The following RNGTT variants were observed in gnomAD, a reference collection of about 807,000 sequenced individuals.
The protein encoded by RNGTT is mRNA-capping enzyme.
In RNGTT, 33 loss-of-function variants were observed where a neutral mutation model predicts 79.3. The ratio of observed to expected loss-of-function variants is 0.42; its 90% CI spans 0.32 to 0.56. The LOEUF (loss-of-function observed/expected upper bound fraction) is 0.56, where lower values mean the gene tolerates loss of function less well. Among genes scored for constraint, RNGTT ranks in the 20% least tolerant of loss-of-function variants. The pLI is 0.17. For synonymous variants in RNGTT, 222 were observed against 235.9 expected (o/e 0.94, Z 0.54); for missense variants, 497 against 739.1 (o/e 0.67, Z 3.80).
chr6:88,792,563 T>C (rs1471369630), intron 12 of RNGTT, among the ~76,000 whole-genome samples: 1 of 152,248 alleles, frequency 6.6e-6, no homozygotes, highest in African/African-American at 2.4e-5. Context: ...ATATAGTGTC[T>C]GATAATGTCA....
intron 14 of RNGTT, among the ~76,000 whole-genome samples, chr6:88,623,962 GA>G (rs1319264302): frequency 6.6e-6 from 1 of 151,842 alleles, no homozygotes; most frequent in African/African-American, 2.4e-5. Flanking sequence ...TGAACAGTTG[GA>G]AATTTAAAAT....
chr6:88,725,248 G>A (rs1393146657), intron 13 of RNGTT, among the ~76,000 whole-genome samples: 2 of 152,170 alleles, frequency 1.3e-5, no homozygotes, highest in African/African-American at 4.8e-5. Flanking sequence ...CCCAGTGTGA[G>A]GAATAACCCA....
intron 14 of RNGTT, among the ~76,000 whole-genome samples, chr6:88,629,596 G>C (rs1486785880): frequency 6.6e-6 from 1 of 151,884 alleles, no homozygotes; most frequent in African/African-American, 2.4e-5. Context: ...GTTCTAGTGG[G>C]AATAAAGAAA....
rs1784839180 is a variant in RNGTT at position 88,941,293 on chromosome 6, A to G, written c.65-113T>C. 7.3e-6 allele frequency: 5 copies of G among 681,316 alleles called. No homozygotes were observed. The South Asian group carries it at 9.4e-5, about 13-fold the overall frequency. The allele number at this position is 681,316 out of a possible 1,614,324, so 42.2% of individuals were successfully genotyped here. A position where few individuals can be genotyped will look rare whatever the true frequency, so the allele number is the denominator to read the frequency against. The stretch of plus-strand genomic sequence containing the variant: ...CTTAAAACCTTTTTTTTTGAGACCA[A>G]GTGTCGCTCTGTCCCCCAGGATAGA... On this transcript the variant is annotated intron_variant, in intron 1 of 15. Transcript: ENST00000369485.
chr6:88,919,707 C>CT (rs5878082), intron 4 of RNGTT, among the ~76,000 whole-genome samples: 7,017 of 58,468 alleles, frequency 0.12, 1,296 homozygotes, highest in African/African-American at 0.18. Context: ...GTCAGTAGTT[C>CT]TTTTTTTTTT....
At chr6:88,903,981 G>A (rs549406614) in intron 6 of RNGTT, among the ~76,000 whole-genome samples, 6 of 152,164 alleles carry the variant, frequency 3.9e-5, no homozygotes, top group Non-Finnish European at 1.5e-5. Flanking sequence ...AGAGAAGTGA[G>A]AGTCTTCTTG....
chr6:88,961,573 A>G (rs1419027042), intron 1 of RNGTT, among the ~76,000 whole-genome samples: 8 of 152,078 alleles, frequency 5.3e-5, no homozygotes, highest in African/African-American at 1.9e-4. Flanking sequence ...AGTAGCTGGG[A>G]TTACAGGCAC....
At chr6:88,784,120 G>A (rs1449213365) in intron 12 of RNGTT, among the ~76,000 whole-genome samples, 1 of 152,130 alleles carries the variant, frequency 6.6e-6, no homozygotes, top group Non-Finnish European at 1.5e-5. Context: ...TTTCCCAGGG[G>A]AAGTAAAATT....
At chr6:88,959,863 C>T (rs1785559027) in intron 1 of RNGTT, among the ~76,000 whole-genome samples, 2 of 152,216 alleles carry the variant, frequency 1.3e-5, no homozygotes, top group African/African-American at 4.8e-5. Flanking sequence ...ACCTCTTAAC[C>T]TCACTTACAT....
intron 1 of RNGTT, among the ~76,000 whole-genome samples, chr6:88,949,925 G>A (rs1046332500): frequency 6.6e-6 from 1 of 152,198 alleles, no homozygotes; most frequent in Non-Finnish European, 1.5e-5. Flanking sequence ...GAAGAAAATG[G>A]TATCTAGGAC....
At chr6:88,809,714 A>G (rs1380911463) in intron 11 of RNGTT, among the ~76,000 whole-genome samples, 1 of 152,206 alleles carries the variant, frequency 6.6e-6, no homozygotes, top group African/African-American at 2.4e-5. Context: ...CAGCTAAAGC[A>G]TATTTACAGA....
At chr6:88,864,158 G>A (rs377734703) in intron 8 of RNGTT, among the ~76,000 whole-genome samples, 1 of 151,988 alleles carries the variant, frequency 6.6e-6, no homozygotes, top group East Asian at 1.9e-4. Flanking sequence ...CCAATTAACA[G>A]GTCCTAGTCA....
chr6:88,953,879 C>T (rs970038969), intron 1 of RNGTT, among the ~76,000 whole-genome samples: 1 of 152,148 alleles, frequency 6.6e-6, no homozygotes, highest in African/African-American at 2.4e-5. Context: ...AACTAGGCTT[C>T]ATAAATGAAG....
chr6:88,929,025 CA>C lies in RNGTT; in HGVS notation c.326del (p.Leu109ArgfsTer14). ...GATTTCTTTCATTAAACCGCTCACACAGACGAATAAAGGTCTCAGTATTCTC... is the reference window on the plus strand; with the variant it reads ...GATTTCTTTCATTAAACCGCTCACACGACGAATAAAGGTCTCAGTATTCTC... ...TTENTETFIR[L>X]CERFNERNPP... On this transcript the variant is annotated frameshift_variant, in exon 4 of 16. Transcript: ENST00000369485. LOFTEE classifies it high-confidence loss of function. 2 of 1,612,986 alleles carry C rather than the reference CA, an allele frequency of 1.2e-6. No individual in the cohort carries two copies. Among genetic ancestry groups the C allele is most frequent in the Non-Finnish European group, 1.7e-6 (2 of 1,179,514 alleles).
intron 13 of RNGTT, among the ~76,000 whole-genome samples, chr6:88,718,577 C>A (rs1776602626): frequency 1.3e-5 from 2 of 151,800 alleles, no homozygotes; most frequent in African/African-American, 4.8e-5. Flanking sequence ...AAGACTATAT[C>A]ATAAAAATGA....
chr6:88,638,443 T>C (rs998220944), intron 14 of RNGTT, among the ~76,000 whole-genome samples: 1 of 152,152 alleles, frequency 6.6e-6, no homozygotes, highest in Non-Finnish European at 1.5e-5. Flanking sequence ...TACCATGGCA[T>C]TTCTGAAGTC....
At chr6:88,940,768 A>T (rs1032345444) in intron 2 of RNGTT, among the ~76,000 whole-genome samples, 3 of 152,122 alleles carry the variant, frequency 2.0e-5, no homozygotes, top group African/African-American at 7.3e-5. Flanking sequence ...TACACATGAG[A>T]TCAAACTGTA....
chr6:88,897,021 C>T (rs537282802), intron 6 of RNGTT, among the ~76,000 whole-genome samples: 10 of 152,178 alleles, frequency 6.6e-5, no homozygotes, highest in Non-Finnish European at 1.2e-4. Context: ...GATTGAGTGC[C>T]GACAGCATTC....
intron 11 of RNGTT, among the ~76,000 whole-genome samples, chr6:88,835,975 A>AACACACACACACAC (rs72228554): frequency 2.6e-3 from 297 of 113,732 alleles, no homozygotes; most frequent in Non-Finnish European, 3.9e-3. Flanking sequence ...CTCTATTAAA[A>AACACACACACACAC]ACACACACAC....
Sources: gnomAD v4.1 joint callset for allele counts (sites outside exome capture counted in the v4.1 genomes callset) on GRCh38, gnomAD v4.1.1 for gene constraint, MANE v1.5 for transcripts, NCBI Gene and HGNC (gene_info 2026-07-23, HGNC 2026-07-21) for gene names.